Variants in TSHZ2 observed in about 807,000 individuals in gnomAD.
TSHZ2 encodes the protein teashirt homolog 2.
A neutral mutation model predicts 74.4 loss-of-function variants in TSHZ2; 21 were observed. The observed-to-expected ratio is 0.28, with a 90% CI of 0.20 to 0.41. The LOEUF is 0.41. Ranked by LOEUF, TSHZ2 falls within the 10% of genes least tolerant of loss-of-function variation. The pLI is 1.00. For missense variants in TSHZ2, 1,244 were observed against 1,293.5 expected (o/e 0.96, Z 0.59); for synonymous variants, 540 against 515.3 (o/e 1.05, Z -0.65).
chr20:53,471,841 T>A (rs1211976751), intron 2 of TSHZ2, among the ~76,000 whole-genome samples: 1 of 150,866 alleles, frequency 6.6e-6, no homozygotes, highest in African/African-American at 2.4e-5. Flanking sequence ...AGTTTCACTC[T>A]TGTTGCCCAG....
intron 2 of TSHZ2, among the ~76,000 whole-genome samples, chr20:53,480,558 C>A (rs1234491244): frequency 6.6e-6 from 1 of 151,210 alleles, no homozygotes; most frequent in Admixed American, 6.6e-5. Flanking sequence ...CAGAGCAAGA[C>A]CCTACCTTCT....
intron 2 of TSHZ2, chr20:53,399,964 A>AG (rs1982593779): frequency 6.6e-6 from 1 of 152,066 alleles, no homozygotes; most frequent in Non-Finnish European, 1.5e-5. Context: ...CACTCACTGT[A>AG]GAGTGCAGAG....
intron 1 of TSHZ2, among the ~76,000 whole-genome samples, chr20:53,151,234 A>G (rs928451935): frequency 6.6e-6 from 1 of 152,244 alleles, no homozygotes; most frequent in African/African-American, 2.4e-5. Context: ...TTAAGGAACA[A>G]TGTCCTATTA....
chr20:53,160,792 A>T (rs1405903539), intron 1 of TSHZ2, among the ~76,000 whole-genome samples: 2 of 150,684 alleles, frequency 1.3e-5, no homozygotes, highest in East Asian at 3.9e-4. Flanking sequence ...TTCTAGATGA[A>T]CCATGTGGCA....
chr20:53,192,198 A>T (rs1384455741), intron 1 of TSHZ2, among the ~76,000 whole-genome samples: 1 of 151,756 alleles, frequency 6.6e-6, no homozygotes, highest in Non-Finnish European at 1.5e-5. Flanking sequence ...TTGATTTTTC[A>T]TTGTACCTGT....
rs956715896 is a variant in TSHZ2 at position 53,370,317 on chromosome 20, C to T, written c.*8+113746C>T. Among the ~76,000 whole-genome samples the T allele has an allele frequency of 2.0e-5, 3 of 152,124 alleles. No homozygotes were observed. In the East Asian group the frequency reaches 5.8e-4, roughly 29 times the overall value. ...GACCTGGGGAGCTGCTCTGGGCAGG[C>T]TCTTTGTGAAGGGAGAGCAGCCCTG... On this transcript the variant is annotated intron_variant, in intron 2 of 2. Coordinates refer to ENST00000371497, the MANE Select transcript of TSHZ2 (RefSeq NM_173485.6).
intron 1 of TSHZ2, among the ~76,000 whole-genome samples, chr20:53,167,137 A>G (rs1988082274): frequency 1.3e-5 from 2 of 152,198 alleles, no homozygotes; most frequent in Non-Finnish European, 2.9e-5. Flanking sequence ...TTTCTGGAAA[A>G]GAAAGATGGT....
At chr20:53,413,611 A>ACTT (rs1328141529) in intron 2 of TSHZ2, among the ~76,000 whole-genome samples, 1 of 152,232 alleles carries the variant, frequency 6.6e-6, no homozygotes, top group Non-Finnish European at 1.5e-5. Context: ...TGGGTAAAGC[A>ACTT]CTTAGAGAAT....
intron 1 of TSHZ2, among the ~76,000 whole-genome samples, chr20:53,040,037 C>T (rs919389052): frequency 1.3e-5 from 2 of 150,266 alleles, no homozygotes; most frequent in South Asian, 2.1e-4. Context: ...ACCCAGGAGG[C>T]GGAGGCTGCA....
chr20:53,344,817 A>G (rs1389452872), intron 2 of TSHZ2, among the ~76,000 whole-genome samples: 2 of 152,232 alleles, frequency 1.3e-5, no homozygotes, highest in Non-Finnish European at 2.9e-5. Context: ...CCCCTGCACA[A>G]TAGAACTTAT....
chr20:53,370,874 C>T (rs1981443900), intron 2 of TSHZ2, among the ~76,000 whole-genome samples: 1 of 152,198 alleles, frequency 6.6e-6, no homozygotes, highest in African/African-American at 2.4e-5. Flanking sequence ...ACTACAAACT[C>T]AGTGGCTTAA....
At chr20:53,480,582 A>AAT (rs1328713206) in intron 2 of TSHZ2, among the ~76,000 whole-genome samples, 1 of 150,382 alleles carries the variant, frequency 6.6e-6, no homozygotes, top group Non-Finnish European at 1.5e-5. Flanking sequence ...AAAAAAAAAA[A>AAT]GAAAAAAATA....
intron 1 of TSHZ2, among the ~76,000 whole-genome samples, chr20:53,033,709 G>T (rs1194196916): frequency 7.8e-6 from 1 of 128,416 alleles, no homozygotes; most frequent in Non-Finnish European, 1.5e-5. Flanking sequence ...ACCCAGGCTG[G>T]AGTGCAGTGG....
intron 1 of TSHZ2, among the ~76,000 whole-genome samples, chr20:53,046,449 G>T (rs975826325): frequency 2.0e-5 from 3 of 152,048 alleles, no homozygotes; most frequent in African/African-American, 7.2e-5. Flanking sequence ...AGGCTGCCTC[G>T]CCTTGAGCAA....
intron 1 of TSHZ2, among the ~76,000 whole-genome samples, chr20:53,158,857 G>T (rs540213626): frequency 6.6e-6 from 1 of 152,298 alleles, no homozygotes; most frequent in African/African-American, 2.4e-5. Flanking sequence ...GCTGGTCTTT[G>T]CCTCACCTGC....
intron 1 of TSHZ2, among the ~76,000 whole-genome samples, chr20:53,251,884 C>G (rs1013994549): frequency 6.6e-6 from 1 of 152,166 alleles, no homozygotes; most frequent in Non-Finnish European, 1.5e-5. Flanking sequence ...ATTAGGTTGG[C>G]AATACAAAGA....
At chr20:53,122,515 C>T (rs184470862) in intron 1 of TSHZ2, among the ~76,000 whole-genome samples, 2 of 152,082 alleles carry the variant, frequency 1.3e-5, no homozygotes, top group East Asian at 3.9e-4. Context: ...TAATCTTTTA[C>T]GGGGTCCTCT....
chr20:53,097,718 C>T (rs1986093963), intron 1 of TSHZ2: 1 of 155,472 alleles, frequency 6.4e-6, no homozygotes, highest in Non-Finnish European at 1.5e-5. Flanking sequence ...TTTGGCTGAT[C>T]TGGCTGGCTA....
rs187589490 is a variant in TSHZ2, at chr20:53,172,023, G to T, written c.41-81476G>T. 4.6e-5 allele frequency among the ~76,000 whole-genome samples: 7 copies of T among 152,236 alleles called. No individual in the cohort carries two copies. The East Asian group carries it at 1.4e-3, about 29-fold the overall frequency. ...AGCTTTAAAAATCATTGTAACTTACGAGGAAAAAAAATGATTGTTGTATGC... is the reference window on the plus strand; with the variant it reads ...AGCTTTAAAAATCATTGTAACTTACTAGGAAAAAAAATGATTGTTGTATGC... On this transcript the variant is annotated intron_variant, in intron 1 of 2. Transcript: ENST00000371497.
Sources: allele counts gnomAD v4.1 joint callset (sites outside exome capture counted in the v4.1 genomes callset), GRCh38; gene constraint gnomAD v4.1.1; transcripts MANE v1.5; gene names NCBI Gene and HGNC (gene_info 2026-07-23, HGNC 2026-07-21).